The following LSM14A variants were observed in gnomAD, a reference collection of about 807,000 sequenced individuals.
LSM14A encodes the protein LSM14A mRNA processing body assembly factor, also known as protein LSM14 homolog A.
LSM14A carries 14 observed loss-of-function variants against 52.4 expected under a neutral mutation model. The ratio of observed to expected loss-of-function variants is 0.27; its 90% CI spans 0.18 to 0.42. The LOEUF is 0.42. Ranked by LOEUF, LSM14A falls within the 10% of genes least tolerant of loss-of-function variation. The probability of loss-of-function intolerance (pLI) is 1.00; values close to 1 mark genes in which losing one functional copy is unlikely to be tolerated. For missense variants in LSM14A, 417 were observed against 581.8 expected (o/e 0.72, Z 2.91); for synonymous variants, 185 against 200.3 (o/e 0.92, Z 0.64).
At chr19:34,225,139 C>T (rs1279235570) in intron 9 of LSM14A, among the ~76,000 whole-genome samples, 7 of 152,226 alleles carry the variant, frequency 4.6e-5, no homozygotes, top group Non-Finnish European at 8.8e-5. Context: ...TGACAACACT[C>T]AGCTCAACAT....
At chr19:34,192,530 A>G (rs921953605) in intron 1 of LSM14A, among the ~76,000 whole-genome samples, 1 of 143,928 alleles carries the variant, frequency 6.9e-6, no homozygotes, top group Non-Finnish European at 1.5e-5. Flanking sequence ...GGGTTTCACC[A>G]TTTTGTTGAG....
chr19:34,224,828 T>C (rs551543532), intron 9 of LSM14A, among the ~76,000 whole-genome samples: 3 of 152,346 alleles, frequency 2.0e-5, no homozygotes, highest in East Asian at 1.9e-4. Flanking sequence ...ATGTTGAGCA[T>C]TGGTGCTGAC....
chr19:34,213,049 G>T (rs147050764), intron 4 of LSM14A, among the ~76,000 whole-genome samples: 363 of 152,210 alleles, frequency 2.4e-3, no homozygotes, highest in African/African-American at 8.6e-3. Flanking sequence ...TACTCAAGAG[G>T]CTGAGGCAGG....
At chr19:34,199,354 C>T (rs983741457) in intron 3 of LSM14A, among the ~76,000 whole-genome samples, 8 of 152,124 alleles carry the variant, frequency 5.3e-5, no homozygotes, top group Non-Finnish European at 8.8e-5. Flanking sequence ...TGGTCTCAAA[C>T]TTGTGACCTT....
At chr19:34,206,629 C>T (rs1002131262) in intron 3 of LSM14A, among the ~76,000 whole-genome samples, 4 of 150,968 alleles carry the variant, frequency 2.6e-5, no homozygotes, top group Non-Finnish European at 5.9e-5. Context: ...TAGCTGAGAT[C>T]GCGCCACTGC....
intron 1 of LSM14A, among the ~76,000 whole-genome samples, chr19:34,192,632 C>CAAAAAAAAAAAAAAAAAAAAA (rs548374017): frequency 2.6e-5 from 2 of 76,952 alleles, no homozygotes; most frequent in African/African-American, 5.0e-5. Context: ...ATCAGTTCTG[C>CAAAAAAAAAAAAAAAAAAAAA]AAAAAAAAAA....
Position 34,215,049 on chromosome 19 carries a change from G to C in LSM14A, c.539-75G>C, listed in dbSNP as rs191399381. On this transcript the variant is annotated intron_variant, in intron 4 of 9. Coordinates refer to ENST00000544216, the MANE Select transcript of LSM14A (RefSeq NM_015578.4). Reference sequence around the variant, plus strand: ...TTGAATTGATAGAAATAAAACTCTGGACAATTTTTTTTAGGGTCTAGATTA... The same window carrying C: ...TTGAATTGATAGAAATAAAACTCTGCACAATTTTTTTTAGGGTCTAGATTA... 50 of 1,259,276 alleles carry C rather than the reference G, an allele frequency of 4.0e-5. No homozygotes were observed. The African/African-American group carries it at 6.1e-4, about 15-fold the overall frequency. The allele number at this position is 1,259,276 out of a possible 1,614,324, so 78.0% of individuals were successfully genotyped here.
intron 1 of LSM14A, 88 bp downstream of exon 1, chr19:34,172,851 T>A: frequency 5.0e-6 from 7 of 1,395,238 alleles, no homozygotes; most frequent in Non-Finnish European, 6.6e-6. Context: ...CCTCGTTCCC[T>A]CCCCTCCCTC....
chr19:34,216,737 C>T (rs928015838), intron 6 of LSM14A, among the ~76,000 whole-genome samples: 9 of 152,128 alleles, frequency 5.9e-5, no homozygotes, highest in Admixed American at 2.0e-4. Flanking sequence ...GGATTATAGG[C>T]GTGAGCCACC....
At chr19:34,200,545 A>G (rs756623472) in intron 3 of LSM14A, among the ~76,000 whole-genome samples, 42 of 152,184 alleles carry the variant, frequency 2.8e-4, no homozygotes, top group Non-Finnish European at 1.9e-4. Flanking sequence ...AAAAATGTGT[A>G]TATTAAGGTA....
Position 34,221,607 on chromosome 19 carries a change from G to A in LSM14A, c.1237G>A (p.Gly413Arg). The change falls in exon 9 of 10, where the codon GGA becomes AGA. Residue 413 changes from glycine to arginine, a missense_variant. Around this residue, in one of 2 missense-constraint regions of LSM14A, gnomAD observed 357 missense variants for 457.0 expected, o/e 0.78. Coordinates refer to ENST00000544216, the MANE Select transcript of LSM14A (RefSeq NM_015578.4). ...TGGCCGTGGGGGATACAGAGGCAGA[G>A]GAGGTCTTGGTTTCCGTGGTGGCAG... ...NRGRGGYRGR[G>R]GLGFRGGRGR... 1.2e-6 allele frequency: 2 copies of A among 1,614,170 alleles called. No homozygotes were observed. Among genetic ancestry groups the A allele is most frequent in the Non-Finnish European group, 1.7e-6 (2 of 1,180,048 alleles).
chr19:34,186,203 A>G (rs1321658416), intron 1 of LSM14A, among the ~76,000 whole-genome samples: 3 of 152,246 alleles, frequency 2.0e-5, no homozygotes, highest in Non-Finnish European at 4.4e-5. Flanking sequence ...TATAGACAGA[A>G]TGATAGAATG....
At chr19:34,180,580 C>G (rs922152331) in intron 1 of LSM14A, among the ~76,000 whole-genome samples, 2 of 152,142 alleles carry the variant, frequency 1.3e-5, no homozygotes, top group African/African-American at 4.8e-5. Flanking sequence ...GGTGCTCAGT[C>G]TCTCTAGTAG....
At chr19:34,172,859 C>T in intron 1 of LSM14A, 96 bp downstream of exon 1, 2 of 1,358,302 alleles carry the variant, frequency 1.5e-6, no homozygotes, top group Admixed American at 3.8e-5. Context: ...CCTCCCCTCC[C>T]TCCGTCGAGC....
intron 9 of LSM14A, among the ~76,000 whole-genome samples, chr19:34,225,116 AC>A (rs1478538955): frequency 6.6e-6 from 1 of 152,176 alleles, no homozygotes; most frequent in Non-Finnish European, 1.5e-5. Flanking sequence ...TATGTATTCT[AC>A]TTTTCTTTCC....
chr19:34,177,802 A>G (rs1398242923), intron 1 of LSM14A, among the ~76,000 whole-genome samples: 1 of 152,148 alleles, frequency 6.6e-6, no homozygotes, highest in African/African-American at 2.4e-5. Flanking sequence ...AGGCTGAGGC[A>G]GGGGGATTGC....
intron 9 of LSM14A, among the ~76,000 whole-genome samples, chr19:34,225,023 T>C (rs2073266335): frequency 6.6e-6 from 1 of 152,260 alleles, no homozygotes; most frequent in African/African-American, 2.4e-5. Context: ...GCACACATTT[T>C]AAATACACTG....
At position 34,209,039 on chromosome 19, in the gene LSM14A, C is replaced by G. The variant is rs757267016; in HGVS notation, c.526C>G (p.Gln176Glu). The change falls in exon 4 of 10, where the codon CAG becomes GAG. Residue 176 changes from glutamine to glutamate, a missense_variant. Around this residue, in one of 2 missense-constraint regions of LSM14A, gnomAD observed 357 missense variants for 457.0 expected, o/e 0.78. Transcript: ENST00000544216. ...ACAGGATACAAGATCTCTAAAAACA[C>G]AGTTATCTCAAGGTAAGCTATCTCA... Reference protein sequence around the residue: ...FTQDTRSLKTQLSQGRSSPQL... With the variant: ...FTQDTRSLKTELSQGRSSPQL... 2 of 1,575,870 alleles carry G rather than the reference C, an allele frequency of 1.3e-6. No homozygotes were observed. Among genetic ancestry groups the G allele is most frequent in the Admixed American group, 3.5e-5 (2 of 57,080 alleles).
intron 6 of LSM14A, among the ~76,000 whole-genome samples, chr19:34,217,723 G>T (rs1231392822): frequency 7.0e-6 from 1 of 141,912 alleles, no homozygotes; most frequent in Non-Finnish European, 1.5e-5. Context: ...TCCACCGCCC[G>T]GGTTCATGCC....
Sources: allele counts gnomAD v4.1 joint callset (sites outside exome capture counted in the v4.1 genomes callset), GRCh38; gene constraint gnomAD v4.1.1; regional missense constraint gnomAD v4.1.1; transcripts MANE v1.5; gene names NCBI Gene and HGNC (gene_info 2026-07-23, HGNC 2026-07-21).